Variants in SEMA3D observed in about 807,000 individuals in gnomAD.
SEMA3D encodes the protein semaphorin 3D, also known as semaphorin-3D.
A neutral mutation model predicts 100.1 loss-of-function variants in SEMA3D; 84 were observed. That is an observed-to-expected ratio of 0.84 (90% CI 0.70 to 1.01). SEMA3D has a LOEUF of 1.01. Ranked by LOEUF, SEMA3D falls within the 50% of genes least tolerant of loss-of-function variation. The pLI is 0.00. For missense variants in SEMA3D, 875 were observed against 934.1 expected (o/e 0.94, Z 0.82); for synonymous variants, 312 against 320.7 (o/e 0.97, Z 0.29).
intron 13 of SEMA3D, 41 bp from the exon 14 acceptor site, chr7:85,020,362 C>A: frequency 6.9e-7 from 1 of 1,445,332 alleles, no homozygotes; most frequent in Non-Finnish European, 9.7e-7. Context: ...GTTTCTATCT[C>A]AAAAATTAGT....
intron 11 of SEMA3D, among the ~76,000 whole-genome samples, chr7:85,040,073 C>G (rs770409775): frequency 6.7e-6 from 1 of 148,324 alleles, no homozygotes; most frequent in Non-Finnish European, 1.5e-5. Context: ...ACCTTCCAGG[C>G]TTAAACAATC....
chr7:85,007,533 T>C (rs1314428739), intron 17 of SEMA3D, among the ~76,000 whole-genome samples: 6 of 151,906 alleles, frequency 3.9e-5, no homozygotes, highest in Admixed American at 2.0e-4. Context: ...TTTTTTATAC[T>C]GAGGGATTTT....
At chr7:85,141,950 A>C in intron 2 of SEMA3D, 5 of 983,186 alleles carry the variant, frequency 5.1e-6, no homozygotes, top group Non-Finnish European at 6.0e-6. Flanking sequence ...CACTCAAAAA[A>C]AGAGAATAGG....
chr7:85,234,181 G>A, the SEMA3D span, among the ~76,000 whole-genome samples: 3 of 152,054 alleles, frequency 2.0e-5, no homozygotes, highest in Admixed American at 2.0e-4. Flanking sequence ...AAGCAGAGTG[G>A]GTGTGCTCCC....
At chr7:85,176,680 A>G (rs1250859242) in intron 1 of SEMA3D, among the ~76,000 whole-genome samples, 2 of 151,996 alleles carry the variant, frequency 1.3e-5, no homozygotes, top group Admixed American at 1.3e-4. Flanking sequence ...GAGAGACACT[A>G]AAACTCAATT....
the SEMA3D span, among the ~76,000 whole-genome samples, chr7:85,212,462 C>T: frequency 6.6e-6 from 1 of 152,022 alleles, no homozygotes; most frequent in South Asian, 2.1e-4. Flanking sequence ...AAACAAATTG[C>T]AGGGCTGATC....
chr7:85,144,412 A>G (rs1790142068), intron 2 of SEMA3D: 1 of 961,706 alleles, frequency 1.0e-6, no homozygotes, highest in East Asian at 1.1e-4. Context: ...CTTTGAAACT[A>G]AAGCAAGATG....
intron 3 of SEMA3D, among the ~76,000 whole-genome samples, chr7:85,112,257 T>A (rs542531332): frequency 6.6e-6 from 1 of 152,154 alleles, no homozygotes; most frequent in Non-Finnish European, 1.5e-5. Flanking sequence ...GAAAAAGATA[T>A]AGCCTTACTT....
At chr7:85,166,187 G>A (rs183672983) in intron 1 of SEMA3D, among the ~76,000 whole-genome samples, 16 of 151,792 alleles carry the variant, frequency 1.1e-4, no homozygotes, top group African/African-American at 3.1e-4. Flanking sequence ...ATATATACAC[G>A]TCATACTTAA....
chr7:85,081,397 T>C, intron 5 of SEMA3D, 120 bp downstream of exon 5: 1 of 616,882 alleles, frequency 1.6e-6, no homozygotes, highest in East Asian at 2.8e-5. Flanking sequence ...ACATAGAATA[T>C]GTTAGTTTAG....
chr7:85,114,805 A>T (rs1248996930), intron 3 of SEMA3D, among the ~76,000 whole-genome samples: 1 of 152,194 alleles, frequency 6.6e-6, no homozygotes, highest in Admixed American at 6.5e-5. Flanking sequence ...TTAGAGAAAG[A>T]TAAATAAAAC....
chr7:85,101,256 A>C (rs1033863160), intron 3 of SEMA3D, among the ~76,000 whole-genome samples: 1 of 152,080 alleles, frequency 6.6e-6, no homozygotes, highest in African/African-American at 2.4e-5. Flanking sequence ...AAAAATATGT[A>C]AAAGCATTCC....
the SEMA3D span, among the ~76,000 whole-genome samples, chr7:85,206,219 T>A: frequency 1.3e-5 from 2 of 152,256 alleles, no homozygotes; most frequent in South Asian, 2.1e-4. Context: ...TTTGACAACA[T>A]CATGACTCTG....
In SEMA3D at chr7:85,120,085, C is replaced by T. The variant is rs141108000; in HGVS notation, c.151+1656G>A. ...CCTCTTGAATAGCTGGGATTATAGG[C>T]ATGTACAACTGGTGGTTTATTTCTT... On this transcript the variant is annotated intron_variant, in intron 3 of 18. Coordinates refer to ENST00000284136, the MANE Select transcript of SEMA3D (RefSeq NM_001384900.1). Among the ~76,000 whole-genome samples the T allele has an allele frequency of 1.6e-3, 238 of 151,954 alleles. 4 individuals carry two copies. The highest frequency in any genetic ancestry group is 0.013 in the Admixed American group (204 of 15,220).
chr7:85,129,183 G>A (rs890621433), intron 2 of SEMA3D, among the ~76,000 whole-genome samples: 8 of 151,872 alleles, frequency 5.3e-5, no homozygotes, highest in Non-Finnish European at 1.5e-5. Flanking sequence ...GAGCCACTGT[G>A]CCTCACCTAC....
chr7:85,206,806 G>A, the SEMA3D span, among the ~76,000 whole-genome samples: 2 of 152,062 alleles, frequency 1.3e-5, no homozygotes, highest in African/African-American at 2.4e-5. Context: ...TCATTAAAGT[G>A]TGTCTTCAGG....
At chr7:85,032,524 T>C (rs1367764540) in intron 12 of SEMA3D, among the ~76,000 whole-genome samples, 1 of 152,054 alleles carries the variant, frequency 6.6e-6, no homozygotes, top group Non-Finnish European at 1.5e-5. Flanking sequence ...ATAGCTGATG[T>C]CCTTAGCTAC....
intron 4 of SEMA3D, among the ~76,000 whole-genome samples, chr7:85,097,152 C>T (rs540572638): frequency 6.6e-6 from 1 of 151,876 alleles, no homozygotes; most frequent in South Asian, 2.1e-4. Flanking sequence ...GGCACCCTTT[C>T]CTCCGGGTTT....
intron 18 of SEMA3D, among the ~76,000 whole-genome samples, chr7:85,003,720 C>G (rs1789717579): frequency 6.6e-6 from 1 of 151,842 alleles, no homozygotes; most frequent in Non-Finnish European, 1.5e-5. Flanking sequence ...GACAATTCAC[C>G]AAATACAACC....
Sources: gnomAD v4.1 joint callset for allele counts (sites outside exome capture counted in the v4.1 genomes callset) on GRCh38, gnomAD v4.1.1 for gene constraint, MANE v1.5 for transcripts, NCBI Gene and HGNC (gene_info 2026-07-23, HGNC 2026-07-21) for gene names.